The following NXN variants were observed in gnomAD, a reference collection of about 807,000 sequenced individuals.
The protein encoded by NXN is nucleoredoxin 1.
NXN carries 16 observed loss-of-function variants against 48.6 expected under a neutral mutation model. The ratio of observed to expected loss-of-function variants is 0.33; its 90% CI spans 0.22 to 0.50. The LOEUF is 0.50. NXN is among the 20% of genes least tolerant of loss of function. The pLI is 0.98. For synonymous variants in NXN, 281 were observed against 269.6 expected, an observed-to-expected ratio of 1.04 and a Z score of -0.41; for missense variants, 492 against 605.5, an observed-to-expected ratio of 0.81 and a Z score of 1.97.
At chr17:884,100 G>T (rs926774202) in intron 1 of NXN, among the ~76,000 whole-genome samples, 1 of 151,946 alleles carries the variant, frequency 6.6e-6, no homozygotes, top group African/African-American at 2.4e-5. Context: ...GGGCGCCTGT[G>T]GTCCCAGCTA....
intron 5 of NXN, among the ~76,000 whole-genome samples, chr17:812,722 GGTGT>G (rs567699402): frequency 5.5e-4 from 82 of 148,750 alleles, no homozygotes; most frequent in Non-Finnish European, 1.1e-3. Flanking sequence ...GTGAGTGTAG[GGTGT>G]GTGAGTGTAG....
At chr17:885,672 C>CTTTTTTTT (rs532225883) in intron 1 of NXN, among the ~76,000 whole-genome samples, 992 of 83,676 alleles carry the variant, frequency 0.012, 98 homozygotes, top group Non-Finnish European at 0.017. Context: ...GCGGTACTCG[C>CTTTTTTTT]TTTTTTTTTT....
intron 1 of NXN, among the ~76,000 whole-genome samples, chr17:975,510 G>A (rs2069447855): frequency 6.6e-6 from 1 of 152,164 alleles, no homozygotes. Context: ...GCCAGAGTGA[G>A]ACTCCACTTC....
chr17:832,246 C>T (rs554646352), intron 1 of NXN, among the ~76,000 whole-genome samples: 3 of 152,030 alleles, frequency 2.0e-5, no homozygotes, highest in East Asian at 3.9e-4. Flanking sequence ...GGCGCGATCT[C>T]GGCTCACTGC....
chr17:868,851 C>T (rs1466614249), intron 1 of NXN, among the ~76,000 whole-genome samples: 1 of 152,210 alleles, frequency 6.6e-6, no homozygotes, highest in East Asian at 1.9e-4. Context: ...GGGCCGGGCC[C>T]ACCATCCCGC....
chr17:882,231 G>A (rs1031404262), intron 1 of NXN, among the ~76,000 whole-genome samples: 19 of 152,142 alleles, frequency 1.2e-4, no homozygotes, highest in African/African-American at 4.6e-4. Context: ...CTTCCCACAA[G>A]TGACCACCTC....
At chr17:844,201 G>A (rs1428310239) in intron 1 of NXN, among the ~76,000 whole-genome samples, 3 of 146,118 alleles carry the variant, frequency 2.1e-5, no homozygotes, top group Non-Finnish European at 4.5e-5. Flanking sequence ...GCCATCCTAC[G>A]TCCCATCCTG....
At chr17:941,021 A>T (rs2068968057) in intron 1 of NXN, among the ~76,000 whole-genome samples, 1 of 145,130 alleles carries the variant, frequency 6.9e-6, no homozygotes, top group Non-Finnish European at 1.5e-5. Context: ...ATTTACAGTG[A>T]ACAAGATTCC....
chr17:832,137 T>C (rs908316754), intron 1 of NXN, among the ~76,000 whole-genome samples: 1 of 151,582 alleles, frequency 6.6e-6, no homozygotes, highest in African/African-American at 2.4e-5. Context: ...AGCACCCCTA[T>C]TACCCTTCAA....
At chr17:893,331 G>A (rs2068443535) in intron 1 of NXN, among the ~76,000 whole-genome samples, 2 of 152,218 alleles carry the variant, frequency 1.3e-5, no homozygotes, top group South Asian at 4.1e-4. Flanking sequence ...CCAGTCTCAG[G>A]AAACCCTAGG....
intron 1 of NXN, among the ~76,000 whole-genome samples, chr17:889,761 A>AAGAAAGAAAGAAAGAAAGAAAGAGAAAG: frequency 1.4e-5 from 1 of 70,828 alleles, no homozygotes; most frequent in Non-Finnish European, 2.8e-5. Flanking sequence ...GAAAGAAAGA[A>AAGAAAGAAAGAAAGAAAGAAAGAGAAAG]AAAGAAAGAA....
intron 1 of NXN, among the ~76,000 whole-genome samples, chr17:839,250 C>T (rs1486604246): frequency 6.6e-6 from 1 of 151,722 alleles, no homozygotes; most frequent in Admixed American, 6.6e-5. Context: ...GTGTGGCCAA[C>T]ATGGTGAAAC....
chr17:946,026 T>G (rs539125100), intron 1 of NXN, among the ~76,000 whole-genome samples: 2 of 150,504 alleles, frequency 1.3e-5, no homozygotes, highest in African/African-American at 4.9e-5. Flanking sequence ...CTCCCTGGGG[T>G]AGAGAGGGAG....
In NXN at chr17:939,580, A is replaced by G. The variant is rs796544096; in HGVS notation, c.360+39739T>C. On this transcript the variant is annotated intron_variant, in intron 1 of 7. Coordinates refer to ENST00000336868, the MANE Select transcript of NXN (RefSeq NM_022463.5). Reference sequence around the variant, plus strand: ...AGGCTGGTCTCAAACTCCTGACCTCAGGTGATCCTCCCACCTTGGCCTCCC... The same window carrying G: ...AGGCTGGTCTCAAACTCCTGACCTCGGGTGATCCTCCCACCTTGGCCTCCC... 5.3e-5 allele frequency among the ~76,000 whole-genome samples: 8 copies of G among 152,174 alleles called. No individual in the cohort carries two copies. In the South Asian group the frequency reaches 6.2e-4, roughly 12 times the overall value.
rs374928518 is a variant in NXN, at chr17:812,971, GGT to G, written c.820+6466_820+6467del. Among the ~76,000 whole-genome samples, 1,191 of 132,600 alleles carry G rather than the reference GGT, an allele frequency of 9.0e-3. 12 individuals are homozygous for G. Among genetic ancestry groups the G allele is most frequent in the African/African-American group, 0.023 (924 of 40,012 alleles). 87.0% of individuals were successfully genotyped at this position (132,600 alleles called of 152,430 possible). On this transcript the variant is annotated intron_variant, in intron 5 of 7. Transcript: ENST00000336868. ...GTGAGTGTAGGTGTGCATGTTTGTA[GGT>G]GTGTGTGCACATGTGAATGTAGGTG...
At position 979,517 on chromosome 17, in the gene NXN, G is replaced by T; in HGVS notation, c.162C>A (p.Ala54=). The change falls in exon 1 of 8, where the codon GCC becomes GCA. Residue 54 remains alanine, a synonymous_variant. Transcript: ENST00000336868. ...CCCCCCGCAGGCGCCCGTAGAAGGC[G>T]GCCAGGCTGGCGCTGAGCTGCGCGC... is the stretch of plus-strand genomic sequence containing the variant. ...APCAQLSASL[A]AFYGRLRGDA... The T allele has an allele frequency of 7.9e-7, 1 of 1,261,374 alleles. No individual in the cohort carries two copies. Among genetic ancestry groups the T allele is most frequent in the Non-Finnish European group, 1.0e-6 (1 of 998,152 alleles). The allele number at this position is 1,261,374 out of a possible 1,614,324, so 78.1% of individuals were successfully genotyped here.
At chr17:904,154 T>C (rs759057338) in intron 1 of NXN, among the ~76,000 whole-genome samples, 1 of 152,214 alleles carries the variant, frequency 6.6e-6, no homozygotes, top group African/African-American at 2.4e-5. Flanking sequence ...CGTACATGCC[T>C]CACCGCGTCG....
chr17:880,995 G>C lies in NXN; in HGVS notation c.361-54917C>G, dbSNP rs547396765. Among the ~76,000 whole-genome samples, 3 of 152,228 alleles carry C rather than the reference G, an allele frequency of 2.0e-5. No homozygotes were observed. The South Asian group carries it at 6.2e-4, about 32-fold the overall frequency. On this transcript the variant is annotated intron_variant, in intron 1 of 7. Coordinates refer to ENST00000336868, the MANE Select transcript of NXN (RefSeq NM_022463.5). The stretch of plus-strand genomic sequence containing the variant: ...CTCCTTCCCTCCTGCCCCATCTACG[G>C]CAGGTAGCTGAGCCGTGGCCCAGGC...
intron 1 of NXN, among the ~76,000 whole-genome samples, chr17:941,150 T>C (rs1197659889): frequency 8.0e-6 from 1 of 125,626 alleles, no homozygotes; most frequent in Non-Finnish European, 1.6e-5. Context: ...GATTCCAGGG[T>C]GCAGCCATGA....
Sources: allele counts gnomAD v4.1 joint callset (sites outside exome capture counted in the v4.1 genomes callset), GRCh38; gene constraint gnomAD v4.1.1; transcripts MANE v1.5; gene names NCBI Gene and HGNC (gene_info 2026-07-23, HGNC 2026-07-21).